Variants in MAD1L1 observed in about 807,000 individuals in gnomAD.
MAD1L1 encodes the protein mitotic arrest deficient 1 like 1.
Under a neutral mutation model 96.9 loss-of-function variants are expected in MAD1L1, and 95 were observed. The ratio of observed to expected loss-of-function variants is 0.98; its 90% CI spans 0.83 to 1.16. MAD1L1 has a LOEUF of 1.16. MAD1L1 is among the 50% of genes most tolerant of loss of function. The pLI, the probability that MAD1L1 is intolerant of heterozygous loss-of-function variation, is 0.00. For missense variants in MAD1L1, 1,007 were observed against 954.4 expected, an observed-to-expected ratio of 1.06 and a Z score of -0.73; for synonymous variants, 473 against 396.6, an observed-to-expected ratio of 1.19 and a Z score of -2.29.
chr7:2,060,180 G>A (rs1221322480), intron 12 of MAD1L1, among the ~76,000 whole-genome samples: 5 of 114,312 alleles, frequency 4.4e-5, no homozygotes, highest in South Asian at 3.0e-4. Context: ...CGCCGATGCC[G>A]AGATACACCG....
chr7:2,011,833 C>A (rs1273876888), intron 13 of MAD1L1, among the ~76,000 whole-genome samples: 2 of 152,106 alleles, frequency 1.3e-5, no homozygotes, highest in Non-Finnish European at 2.9e-5. Context: ...ACAGACAGGC[C>A]AGTGCAGCGG....
intron 16 of MAD1L1, among the ~76,000 whole-genome samples, chr7:1,941,304 C>T (rs1475117549): frequency 3.3e-5 from 5 of 152,122 alleles, no homozygotes; most frequent in Non-Finnish European, 5.9e-5. Flanking sequence ...CAGCCCCCAG[C>T]CAGGGTGCCC....
chr7:1,895,167 CCAGGGAAAACCGCAGA>C (rs1234734977), intron 18 of MAD1L1, among the ~76,000 whole-genome samples: 1 of 152,274 alleles, frequency 6.6e-6, no homozygotes, highest in East Asian at 1.9e-4. Context: ...TGCTGGGGTT[CCAGGGAAAACCGCAGA>C]CACAAGTTGG....
In MAD1L1 at chr7:1,905,036, A is replaced by G. The variant is rs10264690; in HGVS notation, c.1808-6646T>C. On this transcript the variant is annotated intron_variant, in intron 17 of 18. Coordinates refer to ENST00000265854, the MANE Select transcript of MAD1L1 (RefSeq NM_001013836.2). ...TTGATAAAGCACTGTTCCAGGCAGC[A>G]AGGATGCAGTGGCCTATGGAAGACG... Among the ~76,000 whole-genome samples the G allele has an allele frequency of 5.9e-3, 443 of 75,616 alleles. 123 individuals carry two copies. The highest frequency in any genetic ancestry group is 0.022 in the African/African-American group (405 of 18,116). 49.6% of individuals were successfully genotyped at this position (75,616 alleles called of 152,430 possible). A position where few individuals can be genotyped will look rare whatever the true frequency, so the allele number is the denominator to read the frequency against.
intron 17 of MAD1L1, among the ~76,000 whole-genome samples, chr7:1,900,374 C>A (rs1787171383): frequency 6.6e-6 from 1 of 152,186 alleles, no homozygotes; most frequent in Non-Finnish European, 1.5e-5. Context: ...GGCCCTGGCG[C>A]CCATCCACCT....
Position 2,142,770 on chromosome 7 carries a change from C to G in MAD1L1, c.1073+6382G>C, listed in dbSNP as rs192340805. ...GTCAAACCCCAGGGGCCCCCTTATGCCGAGAGCAGGTGGTCAGGTTGAGCA... is the reference window on the plus strand; with the variant it reads ...GTCAAACCCCAGGGGCCCCCTTATGGCGAGAGCAGGTGGTCAGGTTGAGCA... On this transcript the variant is annotated intron_variant, in intron 11 of 18. Transcript: ENST00000265854. This position sits in a 1 kb window ranked among gnomAD's most constrained non-coding sequence, Gnocchi z 4.7. 1.9e-3 allele frequency among the ~76,000 whole-genome samples: 293 copies of G among 152,362 alleles called. No homozygotes were observed. The highest frequency in any genetic ancestry group is 3.3e-3 in the Non-Finnish European group (224 of 68,030).
intron 11 of MAD1L1, among the ~76,000 whole-genome samples, chr7:2,092,127 C>T (rs1786246882): frequency 6.6e-6 from 1 of 152,216 alleles, no homozygotes; most frequent in South Asian, 2.1e-4. Context: ...GTTCCTGTGG[C>T]TCCACGTCTC....
At chr7:2,111,861 T>C (rs1229683984) in intron 11 of MAD1L1, among the ~76,000 whole-genome samples, 2 of 152,198 alleles carry the variant, frequency 1.3e-5, no homozygotes, top group African/African-American at 2.4e-5. Context: ...CACAAGGCAA[T>C]GTCTTCTGAA....
intron 18 of MAD1L1, among the ~76,000 whole-genome samples, chr7:1,881,870 A>G (rs1785700978): frequency 6.6e-6 from 1 of 152,212 alleles, no homozygotes; most frequent in Non-Finnish European, 1.5e-5. Context: ...TCATTAAGCC[A>G]TGAGGAATTC....
At chr7:1,910,875 G>A (rs894954163) in intron 17 of MAD1L1, among the ~76,000 whole-genome samples, 21 of 152,234 alleles carry the variant, frequency 1.4e-4, no homozygotes, top group Non-Finnish European at 2.2e-4. Context: ...GGCTCCCTGT[G>A]ACGCCAGTCA....
At chr7:2,001,985 A>C in intron 14 of MAD1L1, 80 bp downstream of exon 14, 1 of 1,482,012 alleles carries the variant, frequency 6.7e-7, no homozygotes, top group Non-Finnish European at 9.4e-7. Flanking sequence ...TGCAGCCTAA[A>C]GGCTTATGGG....
intron 11 of MAD1L1, among the ~76,000 whole-genome samples, chr7:2,072,360 C>A (rs1196546862): frequency 2.0e-5 from 3 of 152,230 alleles, no homozygotes; most frequent in Non-Finnish European, 4.4e-5. Context: ...ATCCCATCAG[C>A]CGCCTCGGAA....
At chr7:2,159,887 GT>G (rs1288233809) in intron 10 of MAD1L1, among the ~76,000 whole-genome samples, 2 of 152,166 alleles carry the variant, frequency 1.3e-5, no homozygotes, top group Non-Finnish European at 2.9e-5. Context: ...ATGCTGCCGT[GT>G]GCAGAAAAGT....
At position 1,906,460 on chromosome 7, in the gene MAD1L1, G is replaced by A. The variant is rs116301242; in HGVS notation, c.1808-8070C>T. On this transcript the variant is annotated intron_variant, in intron 17 of 18. Coordinates refer to ENST00000265854, the MANE Select transcript of MAD1L1 (RefSeq NM_001013836.2). ...GACCTGGTCCCAGCCCCGCCCCAGG[G>A]CCCTGAGCCACCCTCCCTTTCCAGC... Among the ~76,000 whole-genome samples the A allele has an allele frequency of 8.1e-3, 1,232 of 152,334 alleles. 16 individuals are homozygous for A. Among genetic ancestry groups the A allele is most frequent in the African/African-American group, 0.028 (1,154 of 41,568 alleles).
intron 17 of MAD1L1, among the ~76,000 whole-genome samples, chr7:1,921,585 C>G (rs1464731375): frequency 6.6e-6 from 1 of 152,138 alleles, no homozygotes; most frequent in East Asian, 1.9e-4. Flanking sequence ...AGCCTCAGTG[C>G]TGGGATTACA....
intron 12 of MAD1L1, among the ~76,000 whole-genome samples, chr7:2,055,874 G>T (rs1410695797): frequency 6.6e-6 from 1 of 152,138 alleles, no homozygotes; most frequent in Non-Finnish European, 1.5e-5. Flanking sequence ...AGCTACTCGG[G>T]AGGCTGAGGC....
At chr7:2,143,896 G>T (rs1398844686) in intron 11 of MAD1L1, among the ~76,000 whole-genome samples, 1 of 152,222 alleles carries the variant, frequency 6.6e-6, no homozygotes, top group African/African-American at 2.4e-5. Context: ...ACGGCCCTCA[G>T]GGGCTCCCCT....
At chr7:1,902,561 C>G (rs934415216) in intron 17 of MAD1L1, among the ~76,000 whole-genome samples, 3 of 152,242 alleles carry the variant, frequency 2.0e-5, no homozygotes, top group South Asian at 2.1e-4. Context: ...AAGGTACCGA[C>G]GGATCTTAGG....
intron 10 of MAD1L1, among the ~76,000 whole-genome samples, chr7:2,152,156 C>T (rs1789608274): frequency 1.3e-5 from 2 of 152,236 alleles, no homozygotes; most frequent in Admixed American, 6.5e-5. Context: ...CCACACAGAC[C>T]CCAGCCCTCG....
Sources: allele counts gnomAD v4.1 joint callset (sites outside exome capture counted in the v4.1 genomes callset), GRCh38; gene constraint gnomAD v4.1.1; non-coding constraint Gnocchi (gnomAD v3.1); transcripts MANE v1.5; gene names NCBI Gene and HGNC (gene_info 2026-07-23, HGNC 2026-07-21).